Variants in RYR2 observed in about 807,000 individuals in gnomAD.
The protein encoded by RYR2 is cardiac muscle ryanodine receptor-calcium release channel.
In RYR2, 227 loss-of-function variants were observed where a neutral mutation model predicts 601.1. That is an observed-to-expected ratio of 0.38 (90% CI 0.34 to 0.42). RYR2 has a LOEUF of 0.42. Among genes scored for constraint, RYR2 ranks in the 10% least tolerant of loss-of-function variants. RYR2 has a pLI of 1.00. For missense variants in RYR2, 4,646 were observed against 6,156.5 expected, an observed-to-expected ratio of 0.75 and a Z score of 8.21; for synonymous variants, 2,223 against 2,175.1, an observed-to-expected ratio of 1.02 and a Z score of -0.61.
At position 237,456,540 on chromosome 1, in the gene RYR2, G is replaced by A. The variant is rs1010542882; in HGVS notation, c.1477-60G>A. The A allele has an allele frequency of 4.2e-6, 6 of 1,429,720 alleles. No individual in the cohort carries two copies. In the African/African-American group the frequency reaches 4.3e-5, roughly 10 times the overall value. The allele number at this position is 1,429,720 out of a possible 1,614,324, so 88.6% of individuals were successfully genotyped here. A position where few individuals can be genotyped will look rare whatever the true frequency, so the allele number is the denominator to read the frequency against. On this transcript the variant is annotated intron_variant, in intron 15 of 104. Coordinates refer to ENST00000366574, the MANE Select transcript of RYR2 (RefSeq NM_001035.3). ...TAAATCAACTTAGCATTTTTAGTCT[G>A]TAAGCAGAATGACAGTTTTGGATGT...
intron 1 of RYR2, among the ~76,000 whole-genome samples, chr1:237,224,701 A>T (rs1004059498): frequency 3.9e-5 from 6 of 152,076 alleles, no homozygotes; most frequent in African/African-American, 1.4e-4. Context: ...TTATAAAAAC[A>T]TTTTAAAAAA....
intron 51 of RYR2, among the ~76,000 whole-genome samples, chr1:237,652,497 G>C (rs1374656057): frequency 6.6e-6 from 1 of 152,084 alleles, no homozygotes; most frequent in African/African-American, 2.4e-5. Context: ...CCCAGTACTA[G>C]TGCTGAAGAA....
At position 237,429,897 on chromosome 1, in the gene RYR2, G is replaced by T. The variant is rs530065143; in HGVS notation, c.1005+6649G>T. Reference sequence around the variant, plus strand: ...TTTGTCATGCCAAAAAAATGGAAAAGTCACACATTTGCAATAAAGATTATT... The same window carrying T: ...TTTGTCATGCCAAAAAAATGGAAAATTCACACATTTGCAATAAAGATTATT... On this transcript the variant is annotated intron_variant, in intron 12 of 104. Transcript: ENST00000366574. Among the ~76,000 whole-genome samples the T allele has an allele frequency of 2.0e-5, 3 of 151,934 alleles. No individual in the cohort carries two copies. In the East Asian group the frequency reaches 5.8e-4, roughly 29 times the overall value.
chr1:237,309,680 G>T (rs1270486920), intron 2 of RYR2, among the ~76,000 whole-genome samples: 1 of 152,076 alleles, frequency 6.6e-6, no homozygotes, highest in Admixed American at 6.5e-5. Context: ...TGGAGCAGGG[G>T]GCGGCGCTTG....
At chr1:237,608,066 A>C (rs904479132) in intron 35 of RYR2, among the ~76,000 whole-genome samples, 6 of 152,346 alleles carry the variant, frequency 3.9e-5, no homozygotes, top group African/African-American at 9.6e-5. Flanking sequence ...CTGGAGATTA[A>C]AATTTTCATC....
Position 237,801,313 on chromosome 1 carries a change from C to T in RYR2, c.14091-543C>T, listed in dbSNP as rs919488916. Among the ~76,000 whole-genome samples, 7 of 146,302 alleles carry T rather than the reference C, an allele frequency of 4.8e-5. No individual in the cohort carries two copies. In the South Asian group the frequency reaches 1.5e-3, roughly 32 times the overall value. On this transcript the variant is annotated intron_variant, in intron 97 of 104. Transcript: ENST00000366574. ...CGGGAGGCCAAAGCGGACAGATCCC[C>T]TGAGATCAGGAGTTCAAGACCAGCC...
At chr1:237,355,433 A>G (rs1390145152) in intron 3 of RYR2, among the ~76,000 whole-genome samples, 5 of 152,150 alleles carry the variant, frequency 3.3e-5, no homozygotes, top group Admixed American at 2.6e-4. Flanking sequence ...TACAACTTTA[A>G]AAAATAATTT....
chr1:237,355,042 A>C (rs1212037248), intron 3 of RYR2, among the ~76,000 whole-genome samples: 1 of 152,074 alleles, frequency 6.6e-6, no homozygotes, highest in Non-Finnish European at 1.5e-5. Context: ...AGCATTGGAG[A>C]TTCCTAGCTA....
At chr1:237,729,040 T>C (rs1230829710) in intron 76 of RYR2, among the ~76,000 whole-genome samples, 1 of 152,120 alleles carries the variant, frequency 6.6e-6, no homozygotes, top group Non-Finnish European at 1.5e-5. Context: ...TTCATCAGTT[T>C]CCCTTTGAAC....
chr1:237,441,609 G>A (rs892751718), intron 13 of RYR2, 126 bp downstream of exon 13: 9 of 785,536 alleles, frequency 1.1e-5, no homozygotes, highest in African/African-American at 3.5e-5. Flanking sequence ...AAGTGAAAGG[G>A]CAGATTCCAC....
chr1:237,215,315 C>T (rs561056067), intron 1 of RYR2, among the ~76,000 whole-genome samples: 7 of 152,050 alleles, frequency 4.6e-5, no homozygotes, highest in Non-Finnish European at 7.4e-5. Flanking sequence ...TATGTGGCAA[C>T]GCTCCAGGCA....
chr1:237,774,730 C>T (rs1694521071), intron 87 of RYR2, among the ~76,000 whole-genome samples: 1 of 152,112 alleles, frequency 6.6e-6, no homozygotes, highest in Admixed American at 6.6e-5. Flanking sequence ...CTCATGCATG[C>T]CTAGAATGAT....
chr1:237,827,169 T>C (rs879812962), intron 101 of RYR2, among the ~76,000 whole-genome samples: 8 of 152,220 alleles, frequency 5.3e-5, no homozygotes, highest in South Asian at 4.1e-4. Context: ...ATTGTGCTCT[T>C]ATTGAGTGTA....
chr1:237,209,024 T>A (rs1263072860), intron 1 of RYR2, among the ~76,000 whole-genome samples: 2 of 140,050 alleles, frequency 1.4e-5, no homozygotes, highest in Non-Finnish European at 3.1e-5. Flanking sequence ...CATGTGAAAA[T>A]TTTTTAAAAA....
chr1:237,135,731 T>G (rs1215760291), intron 1 of RYR2, among the ~76,000 whole-genome samples: 1 of 152,208 alleles, frequency 6.6e-6, no homozygotes, highest in Non-Finnish European at 1.5e-5. Flanking sequence ...TTGTAGCTTA[T>G]TGAAGGTCTG....
At chr1:237,494,131 G>A (rs979511905) in intron 19 of RYR2, among the ~76,000 whole-genome samples, 34 of 152,154 alleles carry the variant, frequency 2.2e-4, no homozygotes, top group Non-Finnish European at 4.7e-4. Flanking sequence ...ATATATGAAA[G>A]GGAGTTTATT....
intron 2 of RYR2, among the ~76,000 whole-genome samples, chr1:237,315,824 G>A (rs1695051391): frequency 6.6e-6 from 1 of 152,188 alleles, no homozygotes; most frequent in African/African-American, 2.4e-5. Context: ...GTGAAAAGCA[G>A]AGTTATCTAG....
intron 1 of RYR2, among the ~76,000 whole-genome samples, chr1:237,248,248 G>A (rs1265286650): frequency 8.4e-6 from 1 of 119,362 alleles, no homozygotes; most frequent in Admixed American, 1.2e-4. Context: ...CTCCAGCCTT[G>A]ACAATAGAGC....
At chr1:237,774,755 A>C (rs995921191) in intron 87 of RYR2, among the ~76,000 whole-genome samples, 1 of 152,164 alleles carries the variant, frequency 6.6e-6, no homozygotes, top group South Asian at 2.1e-4. Flanking sequence ...GTACAACAAC[A>C]TTCATGTGTC....
Sources: allele counts gnomAD v4.1 joint callset (sites outside exome capture counted in the v4.1 genomes callset), GRCh38; gene constraint gnomAD v4.1.1; transcripts MANE v1.5; gene names NCBI Gene and HGNC (gene_info 2026-07-23, HGNC 2026-07-21).